PCDHGA3: variants seen among roughly 807,000 people sequenced by gnomAD.
The protein encoded by PCDHGA3 is protocadherin gamma-A3.
PCDHGA3 carries 40 observed loss-of-function variants against 58.5 expected under a neutral mutation model. The observed-to-expected ratio is 0.68, with a 90% CI of 0.53 to 0.89. PCDHGA3 has a LOEUF of 0.89. Among genes scored for constraint, PCDHGA3 ranks in the 40% least tolerant of loss-of-function variants. The probability of loss-of-function intolerance (pLI) is 0.00; values close to 1 mark genes in which losing one functional copy is unlikely to be tolerated. For missense variants in PCDHGA3, 1,223 were observed against 1,195.9 expected (o/e 1.02, Z -0.33); for synonymous variants, 530 against 525.7 (o/e 1.01, Z -0.11).
chr5:141,420,286 A>C, intron 1 of PCDHGA3: 1 of 1,505,774 alleles, frequency 6.6e-7, no homozygotes, highest in Non-Finnish European at 8.9e-7. Flanking sequence ...TAAGTATTTA[A>C]AAATGTATTT....
chr5:141,365,483 T>G, intron 1 of PCDHGA3: 1 of 1,614,018 alleles, frequency 6.2e-7, no homozygotes, highest in Non-Finnish European at 8.5e-7. Context: ...GATTGCATGC[T>G]CTATTCCTAG....
Position 141,491,826 on chromosome 5 carries a change from C to A in PCDHGA3, c.2425-2981C>A. 1 of 1,477,526 alleles carries A rather than the reference C, an allele frequency of 6.8e-7. No homozygotes were observed. The highest frequency in any genetic ancestry group is 9.0e-7 in the Non-Finnish European group (1 of 1,114,486). The allele number at this position is 1,477,526 out of a possible 1,614,324, so 91.5% of individuals were successfully genotyped here. A position where few individuals can be genotyped will look rare whatever the true frequency, so the allele number is the denominator to read the frequency against. ...GGCTTGGTCGCTGGCTGCGCTCCAC[C>A]CGATTCTCGGGATCATTGGACCGTT... On this transcript the variant is annotated intron_variant, in intron 1 of 3. Transcript: ENST00000253812. The surrounding 1 kb of genome is among the most constrained non-coding windows in gnomAD (Gnocchi z 6.9).
chr5:141,422,715 T>C, intron 1 of PCDHGA3: 7 of 1,603,978 alleles, frequency 4.4e-6, no homozygotes, highest in African/African-American at 1.3e-5. Context: ...CGGATGACAC[T>C]GTCCAGGGGG....
chr5:141,444,152 ATTTTTTTTTTTTTT>A (rs747671382), intron 1 of PCDHGA3, among the ~76,000 whole-genome samples: 241 of 33,882 alleles, frequency 7.1e-3, no homozygotes, highest in African/African-American at 0.019. Flanking sequence ...TGTGTACTGG[ATTTTTTTTTTTTTT>A]TTTTTTTTTT....
intron 1 of PCDHGA3, chr5:141,400,209 G>C: frequency 3.1e-6 from 5 of 1,614,052 alleles, no homozygotes; most frequent in Non-Finnish European, 4.2e-6. Context: ...CCTTGGCCTT[G>C]ATCTCAGTGC....
chr5:141,365,324 A>T, intron 1 of PCDHGA3: 1 of 1,613,936 alleles, frequency 6.2e-7, no homozygotes, highest in Non-Finnish European at 8.5e-7. Context: ...TGCCAGCGCT[A>T]AGGTGGTGGT....
intron 1 of PCDHGA3, chr5:141,362,085 A>G: frequency 3.1e-6 from 5 of 1,613,154 alleles, no homozygotes; most frequent in Non-Finnish European, 4.2e-6. Flanking sequence ...GTGATGGAGG[A>G]CAGCCGCCAC....
chr5:141,443,392 T>C (rs151260637), intron 1 of PCDHGA3, among the ~76,000 whole-genome samples: 1,653 of 151,736 alleles, frequency 0.011, 7 homozygotes, highest in Middle Eastern at 0.038. Flanking sequence ...GGCTGAGGTG[T>C]GAGGATCACC....
chr5:141,420,857 C>T (rs1342820721), intron 1 of PCDHGA3, among the ~76,000 whole-genome samples: 1 of 152,220 alleles, frequency 6.6e-6, no homozygotes, highest in Non-Finnish European at 1.5e-5. Context: ...AAAGTTTTAA[C>T]GTCACATAAT....
rs773484841 is a variant in PCDHGA3 at position 141,432,092 on chromosome 5, A to G, written c.2425-62715A>G. 4.3e-6 allele frequency: 7 copies of G among 1,614,104 alleles called. No individual in the cohort carries two copies. The East Asian group carries it at 1.6e-4, about 36-fold the overall frequency. On this transcript the variant is annotated intron_variant, in intron 1 of 3. Transcript: ENST00000253812. The surrounding 1 kb of genome is among the most constrained non-coding windows in gnomAD (Gnocchi z 6.0). Reference sequence around the variant, plus strand: ...TCATATCTCGCTGAACGTGGCAGACACCAACGACAACCCGCCGGTCTTCCC... The same window carrying G: ...TCATATCTCGCTGAACGTGGCAGACGCCAACGACAACCCGCCGGTCTTCCC...
At chr5:141,403,972 A>G in intron 1 of PCDHGA3, 1 of 1,613,968 alleles carries the variant, frequency 6.2e-7, no homozygotes, top group East Asian at 2.2e-5. Flanking sequence ...TGGAAGATGT[A>G]AATGACAATA....
chr5:141,467,912 G>A (rs879405529), intron 1 of PCDHGA3, among the ~76,000 whole-genome samples: 1 of 152,086 alleles, frequency 6.6e-6, no homozygotes, highest in Admixed American at 6.6e-5. Context: ...GCCCACCTCA[G>A]CCTCCCAAAA....
intron 1 of PCDHGA3, chr5:141,414,163 G>A (rs1455950284): frequency 5.6e-6 from 9 of 1,603,256 alleles, no homozygotes; most frequent in Non-Finnish European, 7.7e-6. Flanking sequence ...AGATGGAGGA[G>A]CATATCTTGC....
chr5:141,355,804 C>T (rs866252857), intron 1 of PCDHGA3: 3 of 1,613,238 alleles, frequency 1.9e-6, no homozygotes, highest in African/African-American at 1.3e-5. Flanking sequence ...CGCTCTAGAT[C>T]GCGAGGAAGA....
rs11410533 is a variant in PCDHGA3, at chr5:141,429,387, TAAAA to T, written c.2425-65415_2425-65412del. Among the ~76,000 whole-genome samples, 383 of 151,446 alleles carry T rather than the reference TAAAA, an allele frequency of 2.5e-3. 1 individual carries two copies. The highest frequency in any genetic ancestry group is 4.2e-3 in the South Asian group (20 of 4,786). ...AAATGGAGAAAATGTGTTTTTTTTT[TAAAA>T]AAAATTGAGATTAAGGTCTCATTAT... On this transcript the variant is annotated intron_variant, in intron 1 of 3. Transcript: ENST00000253812.
rs763433178 is a variant in PCDHGA3, at chr5:141,409,635, A to G, written c.2424+63178A>G. On this transcript the variant is annotated intron_variant, in intron 1 of 3. Transcript: ENST00000253812. ...TCCATTGCGCAAGTGAGCGCCTCTG[A>G]CCCGGATTTGGGGCTCAATGGCCAC... 3 of 1,613,784 alleles carry G rather than the reference A, an allele frequency of 1.9e-6. No individual in the cohort carries two copies. The South Asian group carries it at 3.3e-5, about 18-fold the overall frequency.
chr5:141,493,656 T>C lies in PCDHGA3; in HGVS notation c.2425-1151T>C, dbSNP rs1481871984. Among the ~76,000 whole-genome samples, 1 of 152,184 alleles carries C rather than the reference T, an allele frequency of 6.6e-6. No homozygotes were observed. Among genetic ancestry groups the C allele is most frequent in the African/African-American group, 2.4e-5 (1 of 41,454 alleles). ...CTGAGGGCTGGCCATCCCTGTGCCC[T>C]TCTCCATGGCAGCCCCAGAATGGTG... On this transcript the variant is annotated intron_variant, in intron 1 of 3. Coordinates refer to ENST00000253812, the MANE Select transcript of PCDHGA3 (RefSeq NM_018916.4). The surrounding 1 kb of genome is among the most constrained non-coding windows in gnomAD (Gnocchi z 4.3).
Position 141,410,843 on chromosome 5 carries a change from CTT to C in PCDHGA3, c.2424+64388_2424+64389del, listed in dbSNP as rs1452086070. 5.3e-4 allele frequency: 115 copies of C among 216,326 alleles called. 1 individual carries two copies. In the East Asian group the frequency reaches 7.7e-3, roughly 14 times the overall value. 13.4% of individuals were successfully genotyped at this position (216,326 alleles called of 1,614,324 possible). A position where few individuals can be genotyped will look rare whatever the true frequency, so the allele number is the denominator to read the frequency against. The stretch of plus-strand genomic sequence containing the variant: ...TGTCACCAGACTGAAGATATTTTGT[CTT>C]TGTCTTTTTTTTTTTTTTTTTTTTT... On this transcript the variant is annotated intron_variant, in intron 1 of 3. Transcript: ENST00000253812.
chr5:141,497,239 G>A (rs2099775226), intron 2 of PCDHGA3, among the ~76,000 whole-genome samples: 1 of 152,104 alleles, frequency 6.6e-6, no homozygotes, highest in Admixed American at 6.5e-5. Flanking sequence ...AAGGCTTCTA[G>A]GAGGAGGTGA....
Sources: gnomAD v4.1 joint callset for allele counts (sites outside exome capture counted in the v4.1 genomes callset) on GRCh38, gnomAD v4.1.1 for gene constraint, Gnocchi (gnomAD v3.1) non-coding constraint, MANE v1.5 for transcripts, NCBI Gene and HGNC (gene_info 2026-07-23, HGNC 2026-07-21) for gene names.